Variants in AGO2 observed in about 807,000 individuals in gnomAD.
AGO2 encodes argonaute RISC catalytic component 2, also known as protein argonaute-2.
Under a neutral mutation model 102.3 loss-of-function variants are expected in AGO2, and 5 were observed. The ratio of observed to expected loss-of-function variants is 0.05; its 90% CI spans 0.03 to 0.10. The LOEUF (loss-of-function observed/expected upper bound fraction) is 0.10. Ranked by LOEUF, AGO2 falls within the 10% of genes least tolerant of loss-of-function variation. The pLI is 1.00. For missense variants in AGO2, 541 were observed against 1,183.7 expected, an observed-to-expected ratio of 0.46 and a Z score of 7.97; for synonymous variants, 449 against 473.1, an observed-to-expected ratio of 0.95 and a Z score of 0.66.
intron 1 of AGO2, among the ~76,000 whole-genome samples, chr8:140,614,800 C>G (rs535394571): frequency 4.6e-5 from 7 of 152,344 alleles, no homozygotes; most frequent in South Asian, 2.1e-4. Flanking sequence ...GAGTCATGAC[C>G]GCCTAAAGCC....
rs1296575756 is a variant in AGO2 at position 140,531,517 on chromosome 8, T to C, written c.*527A>G. ...CCTCTGCATGGCCACCGGCCCTCAG[T>C]CGAGGAACTTGGGTGAGCCACGCCA... On this transcript the variant is annotated 3_prime_UTR_variant, in exon 19 of 19. Transcript: ENST00000220592. 6.5e-6 allele frequency: 1 copy of C among 154,834 alleles called. No individual in the cohort carries two copies. Among genetic ancestry groups the C allele is most frequent in the African/African-American group, 2.4e-5 (1 of 41,454 alleles). 9.6% of individuals were successfully genotyped at this position (154,834 alleles called of 1,614,324 possible).
chr8:140,590,832 C>T (rs1053603927), intron 1 of AGO2, among the ~76,000 whole-genome samples: 3 of 152,162 alleles, frequency 2.0e-5, no homozygotes, highest in Non-Finnish European at 4.4e-5. Flanking sequence ...TGCTGGCCAT[C>T]AACCAGAGCC....
rs2073314350 is a variant in AGO2, at chr8:140,567,924, C to T, written c.336+4888G>A. 1.3e-5 allele frequency among the ~76,000 whole-genome samples: 2 copies of T among 152,016 alleles called. No individual in the cohort carries two copies. The highest frequency in any genetic ancestry group is 4.8e-5 in the African/African-American group (2 of 41,388). On this transcript the variant is annotated intron_variant, in intron 3 of 18. Coordinates refer to ENST00000220592, the MANE Select transcript of AGO2 (RefSeq NM_012154.5). This position sits in a 1 kb window ranked among gnomAD's most constrained non-coding sequence, Gnocchi z 5.0. ...CTGGATCGCTTGAGCTCAGGAGTTGCAGACCAGCCCGGGCAATGTGGCAAA... is the reference window on the plus strand; with the variant it reads ...CTGGATCGCTTGAGCTCAGGAGTTGTAGACCAGCCCGGGCAATGTGGCAAA...
rs774279314 is a variant in AGO2 at position 140,560,356 on chromosome 8, C to T, written c.655+18G>A. ...GCCCAACCCTGCCCTGCAGTGAAGA[C>T]CCCAGGGCGCTGCTTACCATCAATA... On this transcript the variant is annotated intron_variant, in intron 5 of 18. Transcript: ENST00000220592. 6.2e-7 allele frequency: 1 copy of T among 1,612,920 alleles called. No homozygotes were observed. The highest frequency in any genetic ancestry group is 8.5e-7 in the Non-Finnish European group (1 of 1,179,252).
At chr8:140,550,521 G>A (rs1385532630) in intron 11 of AGO2, among the ~76,000 whole-genome samples, 1 of 152,238 alleles carries the variant, frequency 6.6e-6, no homozygotes, top group Non-Finnish European at 1.5e-5. Flanking sequence ...GCAGGTGGCA[G>A]AGACCTGAAC....
intron 2 of AGO2, among the ~76,000 whole-genome samples, chr8:140,580,288 T>C (rs546220940): frequency 2.0e-4 from 30 of 152,376 alleles, no homozygotes; most frequent in Middle Eastern, 3.4e-3. Flanking sequence ...CACTGTGTAG[T>C]TGTCAGAATG....
chr8:140,591,123 C>T (rs749537240), intron 1 of AGO2, among the ~76,000 whole-genome samples: 2 of 152,362 alleles, frequency 1.3e-5, no homozygotes, highest in Non-Finnish European at 2.9e-5. Flanking sequence ...GCGGGGGCAG[C>T]GGAGCTGTCC....
chr8:140,596,157 G>A (rs1388609492), intron 1 of AGO2, among the ~76,000 whole-genome samples: 2 of 150,668 alleles, frequency 1.3e-5, no homozygotes, highest in East Asian at 1.9e-4. Flanking sequence ...CTGTGCTTCT[G>A]TATTTTTTAA....
At chr8:140,542,528 G>A (rs575543138) in intron 14 of AGO2, among the ~76,000 whole-genome samples, 48 of 151,650 alleles carry the variant, frequency 3.2e-4, no homozygotes, top group Non-Finnish European at 5.6e-4. Context: ...TGAGAATTGT[G>A]GGGATAGGGG....
At chr8:140,562,243 G>A (rs978070687) in intron 4 of AGO2, among the ~76,000 whole-genome samples, 17 of 152,242 alleles carry the variant, frequency 1.1e-4, no homozygotes, top group Non-Finnish European at 2.4e-4. Context: ...AACGTTCCGG[G>A]CCAGGCCGAA....
chr8:140,558,912 G>T (rs1466576315), intron 6 of AGO2, among the ~76,000 whole-genome samples: 1 of 152,200 alleles, frequency 6.6e-6, no homozygotes, highest in Admixed American at 6.5e-5. Context: ...CAGCGGGCAG[G>T]GCTTGTGGAG....
intron 1 of AGO2, among the ~76,000 whole-genome samples, chr8:140,627,785 G>A (rs1156881549): frequency 1.3e-5 from 2 of 152,136 alleles, no homozygotes; most frequent in East Asian, 1.9e-4. Context: ...AACCACAGGC[G>A]GCACCCCACA....
intron 10 of AGO2, among the ~76,000 whole-genome samples, chr8:140,554,084 G>C (rs2073052755): frequency 6.6e-6 from 1 of 152,230 alleles, no homozygotes; most frequent in Non-Finnish European, 1.5e-5. Context: ...GACAACCACT[G>C]CCCTTGCTAA....
chr8:140,585,094 G>A, intron 2 of AGO2, 25 bp downstream of exon 2: 1 of 1,608,050 alleles, frequency 6.2e-7, no homozygotes, highest in South Asian at 1.1e-5. Flanking sequence ...CACTTACACA[G>A]GTCATGAAGG....
At position 140,557,291 on chromosome 8, in the gene AGO2, C is replaced by T. The variant is rs1029059884; in HGVS notation, c.879-55G>A. 1.4e-5 allele frequency: 22 copies of T among 1,535,320 alleles called. No individual in the cohort carries two copies. Among genetic ancestry groups the T allele is most frequent in the African/African-American group, 6.9e-5 (5 of 72,450 alleles). ...GGGCATCCCGGAGCCCCTTCCCCTG[C>T]GCTGCTTTTCATTTGCGTTTGCTTT... On this transcript the variant is annotated intron_variant, in intron 7 of 18. Transcript: ENST00000220592. The surrounding 1 kb of genome is among the most constrained non-coding windows in gnomAD (Gnocchi z 5.9).
intron 5 of AGO2, 63 bp downstream of exon 5, chr8:140,560,311 G>T (rs1258798725): frequency 1.3e-6 from 2 of 1,578,960 alleles, no homozygotes; most frequent in Non-Finnish European, 1.7e-6. Context: ...CCCGACCGGG[G>T]TCCTGACCCC....
At chr8:140,598,525 G>A (rs967526218) in intron 1 of AGO2, among the ~76,000 whole-genome samples, 1 of 152,182 alleles carries the variant, frequency 6.6e-6, no homozygotes, top group East Asian at 1.9e-4. Flanking sequence ...GTGCGTACAA[G>A]CCCACGGTGC....
chr8:140,625,467 C>G (rs2074264211), intron 1 of AGO2, among the ~76,000 whole-genome samples: 1 of 152,208 alleles, frequency 6.6e-6, no homozygotes, highest in Non-Finnish European at 1.5e-5. Context: ...CTCCCCAGCC[C>G]CAGCCCCTGA....
At chr8:140,598,948 G>A (rs982197910) in intron 1 of AGO2, among the ~76,000 whole-genome samples, 4 of 152,108 alleles carry the variant, frequency 2.6e-5, no homozygotes, top group African/African-American at 9.7e-5. Context: ...TGACAGAAAC[G>A]CGACAACAGA....
Sources: gnomAD v4.1 joint callset for allele counts (sites outside exome capture counted in the v4.1 genomes callset) on GRCh38, gnomAD v4.1.1 for gene constraint, Gnocchi (gnomAD v3.1) non-coding constraint, MANE v1.5 for transcripts, NCBI Gene and HGNC (gene_info 2026-07-23, HGNC 2026-07-21) for gene names.